RUNDC3B: variants seen among roughly 807,000 people sequenced by gnomAD.
RUNDC3B encodes the protein RUN domain containing 3B.
RUNDC3B carries 33 observed loss-of-function variants against 58.4 expected under a neutral mutation model. The observed-to-expected ratio is 0.56, with a 90% CI of 0.43 to 0.75. RUNDC3B has a LOEUF of 0.75. RUNDC3B is among the 30% of genes least tolerant of loss of function. RUNDC3B has a pLI of 0.00. For missense variants in RUNDC3B, 501 were observed against 535.7 expected, an observed-to-expected ratio of 0.94 and a Z score of 0.64; for synonymous variants, 193 against 195.2, an observed-to-expected ratio of 0.99 and a Z score of 0.10.
chr7:87,706,980 C>G (rs780190620), intron 3 of RUNDC3B, among the ~76,000 whole-genome samples: 5 of 152,072 alleles, frequency 3.3e-5, no homozygotes, highest in African/African-American at 7.2e-5. Flanking sequence ...TGTAAACACT[C>G]CAGGTTTTTA....
intron 4 of RUNDC3B, among the ~76,000 whole-genome samples, chr7:87,738,709 T>C (rs1832136743): frequency 6.6e-6 from 1 of 152,024 alleles, no homozygotes; most frequent in Admixed American, 6.6e-5. Context: ...TTTTAAACTT[T>C]TCCTGATGGT....
chr7:87,673,186 A>C (rs183529859), intron 2 of RUNDC3B, among the ~76,000 whole-genome samples: 1 of 152,154 alleles, frequency 6.6e-6, no homozygotes, highest in Non-Finnish European at 1.5e-5. Flanking sequence ...TCTAATGACT[A>C]TATATGTCTT....
At chr7:87,684,439 A>ATGCAGTAAT (rs1827237022) in intron 2 of RUNDC3B, among the ~76,000 whole-genome samples, 1 of 152,198 alleles carries the variant, frequency 6.6e-6, no homozygotes, top group African/African-American at 2.4e-5. Flanking sequence ...TACTGTTAAG[A>ATGCAGTAAT]TGCAGTAATC....
chr7:87,720,358 C>T lies in RUNDC3B; in HGVS notation c.458+9703C>T, dbSNP rs187652114. Among the ~76,000 whole-genome samples, 48 of 152,042 alleles carry T rather than the reference C, an allele frequency of 3.2e-4. 1 individual carries two copies. In the East Asian group the frequency reaches 5.6e-3, roughly 18 times the overall value. ...AGACAGGCTGATGGAGGAGTTACAG[C>T]ACTCTTTGGTGAGGATATGTGGAAA... On this transcript the variant is annotated intron_variant, in intron 4 of 10. Transcript: ENST00000394654.
intron 4 of RUNDC3B, among the ~76,000 whole-genome samples, chr7:87,720,030 A>T (rs1465841953): frequency 2.0e-5 from 3 of 151,340 alleles, no homozygotes; most frequent in Non-Finnish European, 4.4e-5. Flanking sequence ...TTTGCAAAGC[A>T]AAAACACCAT....
chr7:87,700,701 T>G, intron 3 of RUNDC3B, 147 bp downstream of exon 3: 1 of 673,984 alleles, frequency 1.5e-6, no homozygotes, highest in Non-Finnish European at 2.4e-6. Context: ...TTTCTACATT[T>G]CTTGAATTAT....
At chr7:87,698,930 G>C (rs1294844958) in intron 2 of RUNDC3B, among the ~76,000 whole-genome samples, 1 of 152,052 alleles carries the variant, frequency 6.6e-6, no homozygotes, top group Non-Finnish European at 1.5e-5. Context: ...GATTTCTGTT[G>C]GTTGATTAAT....
At chr7:87,731,112 T>C (rs1046020914) in intron 4 of RUNDC3B, among the ~76,000 whole-genome samples, 3 of 152,098 alleles carry the variant, frequency 2.0e-5, no homozygotes, top group African/African-American at 7.2e-5. Flanking sequence ...CAAGGACATG[T>C]ATAAACAATC....
intron 3 of RUNDC3B, among the ~76,000 whole-genome samples, chr7:87,701,822 A>G (rs1206974590): frequency 6.6e-6 from 1 of 152,160 alleles, no homozygotes; most frequent in East Asian, 1.9e-4. Flanking sequence ...TCTTGTAAAG[A>G]CACTAAAGAG....
At position 87,686,727 on chromosome 7, in the gene RUNDC3B, C is replaced by A. The variant is rs28381743; in HGVS notation, c.239-13694C>A. ...GCCAAGGCAGGCAGATCACTTGAGG[C>A]CCAGGAGTTTGAGACCCACCTGGGC... is the stretch of plus-strand genomic sequence containing the variant. On this transcript the variant is annotated intron_variant, in intron 2 of 10. Transcript: ENST00000394654. 3.0e-3 allele frequency among the ~76,000 whole-genome samples: 451 copies of A among 151,304 alleles called. 2 individuals are homozygous for A. The highest frequency in any genetic ancestry group is 0.011 in the African/African-American group (435 of 41,250).
At chr7:87,803,482 T>C (rs1291268100) in intron 8 of RUNDC3B, among the ~76,000 whole-genome samples, 1 of 152,208 alleles carries the variant, frequency 6.6e-6, no homozygotes, top group Non-Finnish European at 1.5e-5. Flanking sequence ...AATTTTACTT[T>C]CAAATGACAG....
intron 8 of RUNDC3B, among the ~76,000 whole-genome samples, chr7:87,794,317 C>G (rs1262850942): frequency 2.6e-5 from 4 of 152,124 alleles, no homozygotes; most frequent in Non-Finnish European, 2.9e-5. Flanking sequence ...TGCCTGTAGT[C>G]CTAGCTATTC....
rs144008964 is a variant in RUNDC3B at position 87,665,433 on chromosome 7, TAG to T, written c.238+14498_238+14499del. On this transcript the variant is annotated intron_variant, in intron 2 of 10. Coordinates refer to ENST00000394654, the MANE Select transcript of RUNDC3B (RefSeq NM_001134405.2). ...TACTAAACATTGATTAAATAAATTG[TAG>T]AAGACACAAATAAATAGAAATATAT... Among the ~76,000 whole-genome samples the T allele has an allele frequency of 3.1e-3, 473 of 152,276 alleles. 6 individuals carry two copies. The East Asian group carries it at 0.049, about 16-fold the overall frequency.
chr7:87,659,793 G>A (rs1824506401), intron 2 of RUNDC3B, among the ~76,000 whole-genome samples: 1 of 152,108 alleles, frequency 6.6e-6, no homozygotes, highest in African/African-American at 2.4e-5. Flanking sequence ...ATCTTTTAAT[G>A]TTTGTTTTCA....
intron 3 of RUNDC3B, among the ~76,000 whole-genome samples, chr7:87,703,999 C>T (rs71562768): frequency 7.8e-6 from 1 of 128,440 alleles, no homozygotes; most frequent in Non-Finnish European, 1.6e-5. Flanking sequence ...CAGCTCACTG[C>T]AACCTCCACC....
At chr7:87,768,033 C>G (rs958962298) in intron 6 of RUNDC3B, among the ~76,000 whole-genome samples, 1 of 152,168 alleles carries the variant, frequency 6.6e-6, no homozygotes, top group Non-Finnish European at 1.5e-5. Context: ...GGAATGTTGC[C>G]ACTCTGTGTA....
chr7:87,650,757 A>AT lies in RUNDC3B; in HGVS notation c.123-58dup, dbSNP rs936005153. On this transcript the variant is annotated intron_variant, in intron 1 of 10. Coordinates refer to ENST00000394654, the MANE Select transcript of RUNDC3B (RefSeq NM_001134405.2). ...CTCTTCCCCAAATTGCCTTCCTCCCATTTTTTTCATACTTAGGGAATGAAT... is the reference window on the plus strand; with the variant it reads ...CTCTTCCCCAAATTGCCTTCCTCCCATTTTTTTTCATACTTAGGGAATGAAT... The AT allele has an allele frequency of 5.3e-5, 52 of 984,950 alleles. No homozygotes were observed. In the Middle Eastern group the frequency reaches 2.9e-3, roughly 55 times the overall value. 61.0% of individuals were successfully genotyped at this position (984,950 alleles called of 1,614,324 possible).
At chr7:87,722,006 C>T (rs1239537561) in intron 4 of RUNDC3B, among the ~76,000 whole-genome samples, 10 of 151,726 alleles carry the variant, frequency 6.6e-5, no homozygotes, top group East Asian at 3.9e-4. Flanking sequence ...TTTTAAATTC[C>T]GGAAACAAAA....
At chr7:87,744,367 T>G (rs752250843) in intron 6 of RUNDC3B, among the ~76,000 whole-genome samples, 46 of 152,158 alleles carry the variant, frequency 3.0e-4, no homozygotes, top group Non-Finnish European at 5.1e-4. Flanking sequence ...GGTATTTTGA[T>G]GGGAATTGCA....
Sources: gnomAD v4.1 joint callset for allele counts (sites outside exome capture counted in the v4.1 genomes callset) on GRCh38, gnomAD v4.1.1 for gene constraint, MANE v1.5 for transcripts, NCBI Gene and HGNC (gene_info 2026-07-23, HGNC 2026-07-21) for gene names.